The following AP2A2 variants were observed in gnomAD, a reference collection of about 807,000 sequenced individuals.
AP2A2 encodes adaptor related protein complex 2 subunit alpha 2.
Under a neutral mutation model 104.2 loss-of-function variants are expected in AP2A2, and 32 were observed. The ratio of observed to expected loss-of-function variants is 0.31; its 90% CI spans 0.23 to 0.41. The LOEUF (loss-of-function observed/expected upper bound fraction) is 0.41, where lower values mean the gene tolerates loss of function less well. Among genes scored for constraint, AP2A2 ranks in the 10% least tolerant of loss-of-function variants. AP2A2 has a pLI of 1.00. For missense variants in AP2A2, 912 were observed against 1,261.0 expected (o/e 0.72, Z 4.19); for synonymous variants, 539 against 533.3 (o/e 1.01, Z -0.15).
At position 988,582 on chromosome 11, in the gene AP2A2, G is replaced by C; in HGVS notation, c.1162G>C (p.Ala388Pro). The C allele has an allele frequency of 6.2e-7, 1 of 1,612,824 alleles. No individual in the cohort carries two copies. Among genetic ancestry groups the C allele is most frequent in the Non-Finnish European group, 8.5e-7 (1 of 1,179,874 alleles). ...TERDVSVRQR[A>P]VDLLYAMCDR... ...GCGGGACGTGAGCGTGCGGCAGCGGGCCGTGGACCTCCTCTACGCCATGTG... is the reference window on the plus strand; with the variant it reads ...GCGGGACGTGAGCGTGCGGCAGCGGCCCGTGGACCTCCTCTACGCCATGTG... Residue 388 changes from alanine to proline, a missense_variant, in exon 10 of 22, where the codon GCC (alanine) becomes CCC (proline). Physicochemically the swap from Ala to Pro is conservative, Grantham distance 27. Coordinates refer to ENST00000448903, the MANE Select transcript of AP2A2 (RefSeq NM_012305.4).
chr11:946,423 TGAAA>T (rs1373892824), intron 1 of AP2A2: 1 of 152,182 alleles, frequency 6.6e-6, no homozygotes, highest in Non-Finnish European at 1.5e-5. Flanking sequence ...ACCCTGTTTC[TGAAA>T]GAGAGACTGT....
At position 993,077 on chromosome 11, in the gene AP2A2, G is replaced by A. The variant is rs1191533192; in HGVS notation, c.1453-207G>A. Reference sequence around the variant, plus strand: ...TGTGGATGCTGCAGCTCCCTCCAGGGCAGGTCAGCGTGTGGCAGCCTTGGG... The same window carrying A: ...TGTGGATGCTGCAGCTCCCTCCAGGACAGGTCAGCGTGTGGCAGCCTTGGG... On this transcript the variant is annotated intron_variant, in intron 11 of 21. Transcript: ENST00000448903. This position sits in a 1 kb window ranked among gnomAD's most constrained non-coding sequence, Gnocchi z 8.2. Among the ~76,000 whole-genome samples the A allele has an allele frequency of 2.0e-5, 3 of 152,224 alleles. No individual in the cohort carries two copies. The highest frequency in any genetic ancestry group is 7.2e-5 in the African/African-American group (3 of 41,462).
rs1854688896 is a variant in AP2A2, at chr11:968,227, G to T, written c.137-1942G>T. ...GGTGCTTATGCAACAGGGGTGGTGT[G>T]CCCAGGGGAGTGCTCTGTGACATCT... On this transcript the variant is annotated intron_variant, in intron 2 of 21. Transcript: ENST00000448903. The surrounding 1 kb of genome is among the most constrained non-coding windows in gnomAD (Gnocchi z 4.2). 6.6e-6 allele frequency among the ~76,000 whole-genome samples: 1 copy of T among 152,222 alleles called. No homozygotes were observed. The highest frequency in any genetic ancestry group is 1.5e-5 in the Non-Finnish European group (1 of 68,052).
rs1410395667 is a variant in AP2A2 at position 998,096 on chromosome 11, C to T, written c.1957-2336C>T. 3.3e-5 allele frequency among the ~76,000 whole-genome samples: 5 copies of T among 152,226 alleles called. 1 individual carries two copies. In the South Asian group the frequency reaches 8.3e-4, roughly 25 times the overall value. On this transcript the variant is annotated intron_variant, in intron 14 of 21. Transcript: ENST00000448903. Reference sequence around the variant, plus strand: ...CAGGCTGTGGAGGCCACAGTGTTGGCGGGCGCTGTCCCCGGCGTAGGGAGC... The same window carrying T: ...CAGGCTGTGGAGGCCACAGTGTTGGTGGGCGCTGTCCCCGGCGTAGGGAGC...
At chr11:936,320 C>T (rs1853459369) in intron 1 of AP2A2, among the ~76,000 whole-genome samples, 2 of 150,996 alleles carry the variant, frequency 1.3e-5, no homozygotes, top group African/African-American at 4.9e-5. Context: ...TCAAGCAGTC[C>T]TCCCATCTCA....
intron 5 of AP2A2, among the ~76,000 whole-genome samples, chr11:978,747 C>G (rs1214651596): frequency 6.6e-6 from 1 of 152,148 alleles, no homozygotes; most frequent in African/African-American, 2.4e-5. Context: ...TCAGGAGCCC[C>G]CAAGAAAGGT....
intron 14 of AP2A2, 122 bp from the exon 15 acceptor site, chr11:1,000,310 A>G: frequency 1.1e-6 from 1 of 945,318 alleles, no homozygotes; most frequent in Admixed American, 2.2e-5. Context: ...CACCTGCCCC[A>G]GCCACTGGGA....
chr11:939,773 G>A (rs1853582369), intron 1 of AP2A2, among the ~76,000 whole-genome samples: 4 of 151,872 alleles, frequency 2.6e-5, no homozygotes, highest in African/African-American at 9.7e-5. Context: ...TCTAGAAGAT[G>A]AGTCTTTTAA....
At position 983,595 on chromosome 11, in the gene AP2A2, G is replaced by A. The variant is rs189496354; in HGVS notation, c.706-1050G>A. The stretch of plus-strand genomic sequence containing the variant: ...AGATGGGGTTTCACTGTGTTAGCCA[G>A]GATGGTCTCGATCTCCTGACCTTGT... On this transcript the variant is annotated intron_variant, in intron 6 of 21. Transcript: ENST00000448903. Among the ~76,000 whole-genome samples, 9 of 151,856 alleles carry A rather than the reference G, an allele frequency of 5.9e-5. 1 individual carries two copies. Among genetic ancestry groups the A allele is most frequent in the East Asian group, 3.9e-4 (2 of 5,112 alleles).
At chr11:995,558 C>T (rs919756038) in intron 14 of AP2A2, among the ~76,000 whole-genome samples, 1 of 151,766 alleles carries the variant, frequency 6.6e-6, no homozygotes, top group African/African-American at 2.4e-5. Context: ...GTGGTGCCTG[C>T]CCTGGCAGTG....
chr11:971,895 C>T (rs942744064), intron 3 of AP2A2, among the ~76,000 whole-genome samples, 167 bp from the exon 4 acceptor site: 1 of 152,070 alleles, frequency 6.6e-6, no homozygotes, highest in Non-Finnish European at 1.5e-5. Context: ...CTGGAACAGA[C>T]GTTTGCCGAA....
chr11:989,254 G>A (rs985354218), intron 10 of AP2A2, among the ~76,000 whole-genome samples: 1 of 152,108 alleles, frequency 6.6e-6, no homozygotes, highest in African/African-American at 2.4e-5. Flanking sequence ...TTGAACCCGG[G>A]AGGCGGAGGC....
chr11:949,476 G>A (rs745825248), intron 1 of AP2A2, among the ~76,000 whole-genome samples: 4 of 152,024 alleles, frequency 2.6e-5, no homozygotes, highest in South Asian at 2.1e-4. Flanking sequence ...CAGCAACAAC[G>A]TATAAAAAGG....
intron 1 of AP2A2, among the ~76,000 whole-genome samples, chr11:953,324 C>T (rs1854115585): frequency 6.6e-6 from 1 of 152,086 alleles, no homozygotes; most frequent in Non-Finnish European, 1.5e-5. Context: ...GCCACCATGC[C>T]CAGCTAATTT....
At chr11:960,114 C>T (rs115346831) in intron 2 of AP2A2, among the ~76,000 whole-genome samples, 3,694 of 152,160 alleles carry the variant, frequency 0.024, 156 homozygotes, top group African/African-American at 0.082. Context: ...CACAATGAGT[C>T]GGGGAGAGGG....
At chr11:1,002,636 G>T (rs1000206072) in intron 15 of AP2A2, among the ~76,000 whole-genome samples, 1 of 152,242 alleles carries the variant, frequency 6.6e-6, no homozygotes, top group Non-Finnish European at 1.5e-5. Context: ...GCCAAGGGCC[G>T]CCTGTCACTG....
At position 1,010,705 on chromosome 11, in the gene AP2A2, T is replaced by A; in HGVS notation, c.*80T>A. ...TTTGTCTTCGTGGCCATCCTGCAGA[T>A]GAGCACCGTGTCCAGTGCCACAGCA... On this transcript the variant is annotated 3_prime_UTR_variant, in exon 22 of 22. Coordinates refer to ENST00000448903, the MANE Select transcript of AP2A2 (RefSeq NM_012305.4). 8.6e-7 allele frequency: 1 copy of A among 1,165,124 alleles called. No homozygotes were observed. The highest frequency in any genetic ancestry group is 1.3e-6 in the Non-Finnish European group (1 of 796,310). 72.2% of individuals were successfully genotyped at this position (1,165,124 alleles called of 1,614,324 possible).
chr11:983,017 C>CTTTTTTTTTTTTT (rs56742889), intron 6 of AP2A2, among the ~76,000 whole-genome samples: 2 of 82,388 alleles, frequency 2.4e-5, no homozygotes, highest in Non-Finnish European at 4.7e-5. Context: ...TTTTCTTTTT[C>CTTTTTTTTTTTTT]TTTTTTTTTT....
At chr11:954,829 A>AG (rs1466207965) in intron 1 of AP2A2, among the ~76,000 whole-genome samples, 1 of 152,174 alleles carries the variant, frequency 6.6e-6, no homozygotes, top group South Asian at 2.1e-4. Context: ...CCCACAGAGG[A>AG]GGGGGGTTAA....
Sources: gnomAD v4.1 joint callset for allele counts (sites outside exome capture counted in the v4.1 genomes callset) on GRCh38, gnomAD v4.1.1 for gene constraint, Gnocchi (gnomAD v3.1) non-coding constraint, MANE v1.5 for transcripts, NCBI Gene and HGNC (gene_info 2026-07-23, HGNC 2026-07-21) for gene names.